Variants in CRHR2 observed in about 807,000 individuals in gnomAD.
The protein encoded by CRHR2 is corticotropin-releasing hormone receptor 2.
In CRHR2, 53 loss-of-function variants were observed where a neutral mutation model predicts 57.9. That is an observed-to-expected ratio of 0.92 (90% confidence interval 0.73 to 1.15). CRHR2 has a LOEUF of 1.15. CRHR2 is among the 50% of genes most tolerant of loss of function. The pLI is 0.00. For missense variants in CRHR2, 532 were observed against 542.6 expected (o/e 0.98, Z 0.19); for synonymous variants, 213 against 220.9 (o/e 0.96, Z 0.32).
At position 30,655,912 on chromosome 7, in the gene CRHR2, G is replaced by A; in HGVS notation, c.917+15C>T. Reference sequence around the variant, plus strand: ...TCCTGTCCCCATTGTGGGGTCAAGGGACCCCCTCACATACCTGTACTGGAT... The same window carrying A: ...TCCTGTCCCCATTGTGGGGTCAAGGAACCCCCTCACATACCTGTACTGGAT... On this transcript the variant is annotated intron_variant, in intron 9 of 11. Transcript: ENST00000471646. The A allele has an allele frequency of 1.2e-6, 2 of 1,613,312 alleles. No homozygotes were observed. The highest frequency in any genetic ancestry group is 1.7e-6 in the Non-Finnish European group (2 of 1,179,468).
At chr7:30,687,773 G>A (rs1002474504) in intron 2 of CRHR2, among the ~76,000 whole-genome samples, 5 of 152,216 alleles carry the variant, frequency 3.3e-5, no homozygotes, top group Admixed American at 6.5e-5. Context: ...GAGGGCAGAG[G>A]AAGGCAGGGA....
chr7:30,691,411 C>T (rs1784959371), intron 1 of CRHR2, among the ~76,000 whole-genome samples: 2 of 152,202 alleles, frequency 1.3e-5, no homozygotes, highest in South Asian at 4.1e-4. Context: ...ACATTTGTAG[C>T]CCCATCACTG....
At chr7:30,685,491 G>A (rs182128237), upstream of CRHR2, among the ~76,000 whole-genome samples, 226 of 152,282 alleles carry the variant, frequency 1.5e-3, no homozygotes, top group Middle Eastern at 3.4e-3. Context: ...GAATTACGAC[G>A]GGGTTGCTGA....
Position 30,655,386 on chromosome 7 carries a change from G to A in CRHR2, c.1053+194C>T, listed in dbSNP as rs1783743284. 2.0e-5 allele frequency among the ~76,000 whole-genome samples: 3 copies of A among 152,214 alleles called. No homozygotes were observed. In the South Asian group the frequency reaches 6.2e-4, roughly 32 times the overall value. On this transcript the variant is annotated intron_variant, in intron 10 of 11. Transcript: ENST00000471646. Reference sequence around the variant, plus strand: ...GGTGCTGGGACAGTAGGTGCGGGCTGGTAGGATGAAGACCCAGGCTGGGAT... The same window carrying A: ...GGTGCTGGGACAGTAGGTGCGGGCTAGTAGGATGAAGACCCAGGCTGGGAT...
At chr7:30,674,556 C>A (rs570159393) in intron 2 of CRHR2, among the ~76,000 whole-genome samples, 1 of 152,158 alleles carries the variant, frequency 6.6e-6, no homozygotes, top group African/African-American at 2.4e-5. Flanking sequence ...GTAGGATGGC[C>A]GGGATTAGAT....
At chr7:30,674,112 G>T (rs1466619782) in intron 2 of CRHR2, among the ~76,000 whole-genome samples, 1 of 152,180 alleles carries the variant, frequency 6.6e-6, no homozygotes, top group Non-Finnish European at 1.5e-5. Flanking sequence ...ATGGTGCCCT[G>T]CCATCCTTAA....
intron 1 of CRHR2, among the ~76,000 whole-genome samples, chr7:30,694,942 G>A (rs1466109985): frequency 9.8e-5 from 14 of 142,888 alleles, no homozygotes; most frequent in Non-Finnish European, 6.1e-5. Flanking sequence ...GGAGAATGGG[G>A]AGGAGAGAAG....
chr7:30,681,903 G>A lies in CRHR2; in HGVS notation c.229+12C>T, dbSNP rs540639346. On this transcript the variant is annotated intron_variant, in intron 2 of 11. Transcript: ENST00000471646. The stretch of plus-strand genomic sequence containing the variant: ...CGGTGTAGAGCAGGCAGCGAGGGCC[G>A]GGGGCACTCACGGGTCGTGTTGTAC... 3.7e-5 allele frequency: 59 copies of A among 1,603,216 alleles called. No homozygotes were observed. The South Asian group carries it at 5.8e-4, about 16-fold the overall frequency.
At chr7:30,669,482 G>T (rs1448196236) in intron 2 of CRHR2, among the ~76,000 whole-genome samples, 1 of 152,090 alleles carries the variant, frequency 6.6e-6, no homozygotes, top group Non-Finnish European at 1.5e-5. Flanking sequence ...AGGTGGGAGG[G>T]GGTCAGGATA....
At chr7:30,667,743 CAT>C (rs1457154662) in intron 2 of CRHR2, among the ~76,000 whole-genome samples, 2 of 152,304 alleles carry the variant, frequency 1.3e-5, no homozygotes, top group Non-Finnish European at 2.9e-5. Flanking sequence ...ATTTATATAG[CAT>C]ATGTTTCCCA....
At chr7:30,697,812 C>T (rs1180891952) in intron 1 of CRHR2, among the ~76,000 whole-genome samples, 1 of 152,202 alleles carries the variant, frequency 6.6e-6, no homozygotes, top group Non-Finnish European at 1.5e-5. Context: ...CCATCTCCAA[C>T]TCTGCTATGC....
intron 1 of CRHR2, chr7:30,689,295 G>A (rs912030871): frequency 6.1e-5 from 95 of 1,548,450 alleles, no homozygotes; most frequent in Non-Finnish European, 7.6e-5. Flanking sequence ...CTAGGGGACA[G>A]CAAGGATGAG....
At chr7:30,687,372 A>G (rs1784875756), upstream of CRHR2, among the ~76,000 whole-genome samples, 1 of 152,070 alleles carries the variant, frequency 6.6e-6, no homozygotes, top group South Asian at 2.1e-4. Flanking sequence ...ACATGGGGAA[A>G]TGTTCACTCT....
chr7:30,699,969 C>A, exon 1 of CRHR2: 1 of 1,490,526 alleles, frequency 6.7e-7, no homozygotes, highest in Admixed American at 2.3e-5. Flanking sequence ...TGGGAGGAGG[C>A]AGAGCAGGCA....
chr7:30,683,674 C>T (rs540605920), upstream of CRHR2, among the ~76,000 whole-genome samples: 2 of 152,156 alleles, frequency 1.3e-5, no homozygotes, highest in East Asian at 1.9e-4. Flanking sequence ...AAATCTTCCC[C>T]GAGGCCCCTC....
At chr7:30,690,924 C>T (rs2128150980) in intron 1 of CRHR2, among the ~76,000 whole-genome samples, 1 of 152,290 alleles carries the variant, frequency 6.6e-6, no homozygotes, top group East Asian at 1.9e-4. Flanking sequence ...TGGGGGCCTC[C>T]TGAGCTGTCA....
At chr7:30,686,738 C>A, upstream of CRHR2, 2 of 365,456 alleles carry the variant, frequency 5.5e-6, no homozygotes, top group Admixed American at 3.9e-5. Flanking sequence ...GTAGCTGCCT[C>A]TGTGATGAAT....
intron 2 of CRHR2, among the ~76,000 whole-genome samples, chr7:30,678,832 C>T (rs1396839140): frequency 6.6e-6 from 1 of 152,172 alleles, no homozygotes; most frequent in African/African-American, 2.4e-5. Flanking sequence ...GCGTCTTCAA[C>T]CTCATTTGCT....
rs376545794 is a variant in CRHR2 at position 30,665,056 on chromosome 7, C to T, written c.543+14G>A. 3.7e-6 allele frequency: 6 copies of T among 1,609,416 alleles called. No homozygotes were observed. In the Admixed American group the frequency reaches 5.0e-5, roughly 13 times the overall value. On this transcript the variant is annotated intron_variant, in intron 5 of 11. Transcript: ENST00000471646. The surrounding 1 kb of genome is among the most constrained non-coding windows in gnomAD (Gnocchi z 4.5). The stretch of plus-strand genomic sequence containing the variant: ...GCCCCCCAGGTATAGCCCCGAGTCT[C>T]CCCGAGCAATGACCTCATTGCTCTC...
Sources: allele counts gnomAD v4.1 joint callset (sites outside exome capture counted in the v4.1 genomes callset), GRCh38; gene constraint gnomAD v4.1.1; non-coding constraint Gnocchi (gnomAD v3.1); transcripts MANE v1.5; gene names NCBI Gene and HGNC (gene_info 2026-07-23, HGNC 2026-07-21).